YES1: variants seen among roughly 807,000 people sequenced by gnomAD.
The protein encoded by YES1 is tyrosine-protein kinase Yes.
Under a neutral mutation model 70.4 loss-of-function variants are expected in YES1, and 39 were observed. The ratio of observed to expected loss-of-function variants is 0.55; its 90% confidence interval spans 0.43 to 0.72. The LOEUF (loss-of-function observed/expected upper bound fraction) is 0.72. Ranked by LOEUF, YES1 falls within the 30% of genes least tolerant of loss-of-function variation. The probability of loss-of-function intolerance (pLI) is 0.00; values close to 1 mark genes in which losing one functional copy is unlikely to be tolerated. For synonymous variants in YES1, 198 were observed against 218.6 expected (o/e 0.91, Z 0.83); for missense variants, 495 against 644.8 (o/e 0.77, Z 2.52).
chr18:775,815 AAT>A (rs1346577724), intron 1 of YES1, among the ~76,000 whole-genome samples: 5 of 152,110 alleles, frequency 3.3e-5, no homozygotes, highest in Non-Finnish European at 7.4e-5. Flanking sequence ...TAAAAAAAAA[AAT>A]AGAATCATAT....
At position 751,047 on chromosome 18, in the gene YES1, A is replaced by C. The variant is rs186742300; in HGVS notation, c.371+658T>G. Among the ~76,000 whole-genome samples, 4 of 152,312 alleles carry C rather than the reference A, an allele frequency of 2.6e-5. No homozygotes were observed. In the East Asian group the frequency reaches 7.7e-4, roughly 29 times the overall value. ...CAAGTGGTAGGTACTGAATATTTTA[A>C]AAGTAGAAGGATATGACCATATTTT... is the stretch of plus-strand genomic sequence containing the variant. On this transcript the variant is annotated intron_variant, in intron 3 of 11. Transcript: ENST00000314574.
At chr18:783,028 A>AC (rs1019301620) in intron 1 of YES1, among the ~76,000 whole-genome samples, 24 of 149,714 alleles carry the variant, frequency 1.6e-4, no homozygotes, top group Admixed American at 8.7e-4. Context: ...CAAACAGACT[A>AC]CAAAGGTTAA....
At chr18:779,834 A>C (rs1050921000) in intron 1 of YES1, among the ~76,000 whole-genome samples, 1 of 152,156 alleles carries the variant, frequency 6.6e-6, no homozygotes, top group African/African-American at 2.4e-5. Flanking sequence ...CAGGCACTGC[A>C]CGTACTCTTC....
At chr18:799,647 G>A (rs2145831684) in intron 1 of YES1, among the ~76,000 whole-genome samples, 1 of 152,280 alleles carries the variant, frequency 6.6e-6, no homozygotes, top group Middle Eastern at 3.4e-3. Context: ...AGGTAGCAGT[G>A]AGCTGAGATC....
chr18:760,722 G>GA (rs1904548158), intron 1 of YES1, among the ~76,000 whole-genome samples: 1 of 151,994 alleles, frequency 6.6e-6, no homozygotes, highest in South Asian at 2.1e-4. Context: ...AAAAGTATTA[G>GA]AAAAAATTAA....
intron 11 of YES1, among the ~76,000 whole-genome samples, chr18:729,776 G>A (rs982979338): frequency 4.6e-5 from 7 of 151,960 alleles, no homozygotes; most frequent in Middle Eastern, 3.4e-3. Flanking sequence ...ACAGGCGCCC[G>A]CCACCATGGC....
At chr18:806,783 G>GT (rs1170422430) in intron 1 of YES1, among the ~76,000 whole-genome samples, 1 of 152,200 alleles carries the variant, frequency 6.6e-6, no homozygotes, top group African/African-American at 2.4e-5. Flanking sequence ...ATAATGATGT[G>GT]TACTTCTTAC....
At chr18:747,229 G>C (rs2080290814) in intron 4 of YES1, among the ~76,000 whole-genome samples, 1 of 152,214 alleles carries the variant, frequency 6.6e-6, no homozygotes, top group South Asian at 2.1e-4. Context: ...TAGCACTTTG[G>C]AAGGCTGAGG....
intron 4 of YES1, among the ~76,000 whole-genome samples, chr18:746,294 A>C (rs919700215): frequency 2.6e-5 from 4 of 152,178 alleles, no homozygotes; most frequent in Non-Finnish European, 5.9e-5. Context: ...TCAAAACTCC[A>C]CCTGACAGTC....
chr18:726,909 T>C (rs1411759152), intron 11 of YES1, among the ~76,000 whole-genome samples: 1 of 150,878 alleles, frequency 6.6e-6, no homozygotes, highest in Non-Finnish European at 1.5e-5. Flanking sequence ...CCAAATAAGA[T>C]GAGTAAACAG....
chr18:732,165 A>G (rs1475030413), intron 11 of YES1, among the ~76,000 whole-genome samples: 2 of 151,108 alleles, frequency 1.3e-5, no homozygotes, highest in East Asian at 4.0e-4. Context: ...CATGATGGGC[A>G]CGGTGGCTCA....
intron 1 of YES1, among the ~76,000 whole-genome samples, chr18:800,848 G>A (rs1906782716): frequency 6.6e-6 from 1 of 151,956 alleles, no homozygotes; most frequent in Non-Finnish European, 1.5e-5. Context: ...CCCCATCTCT[G>A]GAAAAAATAA....
At chr18:776,586 G>A (rs972239349) in intron 1 of YES1, among the ~76,000 whole-genome samples, 5 of 152,076 alleles carry the variant, frequency 3.3e-5, no homozygotes, top group Non-Finnish European at 7.4e-5. Flanking sequence ...TGGAGGAGTA[G>A]GATTTAGTGC....
intron 1 of YES1, among the ~76,000 whole-genome samples, chr18:791,165 G>A (rs1462519447): frequency 1.3e-5 from 2 of 151,414 alleles, no homozygotes; most frequent in Non-Finnish European, 2.9e-5. Flanking sequence ...CAGGAGAATC[G>A]CTTGAGTCCA....
At chr18:806,719 GT>G (rs1418747264) in intron 1 of YES1, among the ~76,000 whole-genome samples, 1 of 152,196 alleles carries the variant, frequency 6.6e-6, no homozygotes, top group Non-Finnish European at 1.5e-5. Flanking sequence ...TGACATAAGT[GT>G]TTTGTGGGAG....
At chr18:751,651 G>A (rs1333636277) in intron 3 of YES1, 54 bp downstream of exon 3, 1 of 1,227,218 alleles carries the variant, frequency 8.1e-7, no homozygotes, top group Non-Finnish European at 1.2e-6. Context: ...TGGTTCCTGT[G>A]TAAAGACCAG....
intron 11 of YES1, among the ~76,000 whole-genome samples, chr18:728,098 G>A (rs2080043178): frequency 6.6e-6 from 1 of 152,140 alleles, no homozygotes; most frequent in Non-Finnish European, 1.5e-5. Context: ...CACTTTGGGA[G>A]GACAGGGCAG....
chr18:739,748 T>A lies in YES1; in HGVS notation c.1124A>T (p.Asp375Val). Residue 375 changes from aspartate (D) to valine (V), a missense_variant, in exon 9 of 12, where the codon GAT becomes GTT. By Grantham distance (152) the Asp-to-Val change is radical. Coordinates refer to ENST00000314574, the MANE Select transcript of YES1 (RefSeq NM_005433.4). ...ATATACAGATACCTGAGCAGCCATATCAACCAGCTGTGGAAGCTTCAAATA... is the reference window on the plus strand; with the variant it reads ...ATATACAGATACCTGAGCAGCCATAACAACCAGCTGTGGAAGCTTCAAATA... ...GKYLKLPQLV[D>V]MAAQIADGMA... is the part of the protein sequence containing the mutation. The A allele has an allele frequency of 1.2e-6, 2 of 1,612,566 alleles. No individual in the cohort carries two copies. The highest frequency in any genetic ancestry group is 1.7e-6 in the Non-Finnish European group (2 of 1,179,476).
chr18:723,193 G>A lies in YES1; in HGVS notation c.*1231C>T, dbSNP rs1334877024. ...AAAACCATATCCCACTGCAATGAATGTGAAGCCATAACTTCATTATTTTGA... is the reference window on the plus strand; with the variant it reads ...AAAACCATATCCCACTGCAATGAATATGAAGCCATAACTTCATTATTTTGA... On this transcript the variant is annotated 3_prime_UTR_variant, in exon 12 of 12. Transcript: ENST00000314574. The A allele has an allele frequency of 6.6e-6, 1 of 152,244 alleles. No homozygotes were observed. The highest frequency in any genetic ancestry group is 2.4e-5 in the African/African-American group (1 of 41,466). 9.4% of individuals were successfully genotyped at this position (152,244 alleles called of 1,614,324 possible).
Sources: gnomAD v4.1 joint callset for allele counts (sites outside exome capture counted in the v4.1 genomes callset) on GRCh38, gnomAD v4.1.1 for gene constraint, MANE v1.5 for transcripts, NCBI Gene and HGNC (gene_info 2026-07-23, HGNC 2026-07-21) for gene names.